The following TCERG1 variants were observed in gnomAD, a reference collection of about 807,000 sequenced individuals.
The protein encoded by TCERG1 is TATA box binding protein (TBP)-associated factor, RNA polymerase II, S, 150kD.
A neutral mutation model predicts 144.7 loss-of-function variants in TCERG1; 37 were observed. That is an observed-to-expected ratio of 0.26 (90% CI 0.20 to 0.34). TCERG1 has a LOEUF of 0.34. Among genes scored for constraint, TCERG1 ranks in the 10% least tolerant of loss-of-function variants. TCERG1 has a pLI of 1.00. For synonymous variants in TCERG1, 492 were observed against 458.2 expected, an observed-to-expected ratio of 1.07 and a Z score of -0.94; for missense variants, 1,027 against 1,380.7, an observed-to-expected ratio of 0.74 and a Z score of 4.06.
At chr5:146,497,014 C>T (rs1333452850) in intron 16 of TCERG1, among the ~76,000 whole-genome samples, 1 of 150,982 alleles carries the variant, frequency 6.6e-6, no homozygotes, top group Non-Finnish European at 1.5e-5. Context: ...ATTACAGGTG[C>T]CTGCCACTAC....
chr5:146,455,201 C>A lies in TCERG1; in HGVS notation c.205C>A (p.Arg69Ser). ...PPPPPRPPFG[R>S]PPFDPNMPPM... Reference sequence around the variant, plus strand: ...TCCACCACCACGGCCGCCCTTTGGACGTCCTCCTTTTGATCCTAATATGCC... The same window carrying A: ...TCCACCACCACGGCCGCCCTTTGGAAGTCCTCCTTTTGATCCTAATATGCC... The change falls in exon 2 of 23, where the codon CGT becomes AGT. Residue 69 changes from arginine (R) to serine (S), a missense_variant. Transcript: ENST00000679501. 1 of 1,614,202 alleles carries A rather than the reference C, an allele frequency of 6.2e-7. No homozygotes were observed.
chr5:146,455,862 C>G (rs192450798), intron 2 of TCERG1, among the ~76,000 whole-genome samples: 432 of 152,254 alleles, frequency 2.8e-3, no homozygotes, highest in Admixed American at 4.8e-3. Flanking sequence ...GTATTTTAAC[C>G]TGGGGCATAG....
intron 17 of TCERG1, among the ~76,000 whole-genome samples, chr5:146,502,688 A>G (rs576754325): frequency 9.2e-5 from 14 of 152,328 alleles, no homozygotes; most frequent in African/African-American, 3.4e-4. Context: ...TGTTATAAAC[A>G]TTACATACAT....
In TCERG1 at chr5:146,463,700, G is replaced by A; in HGVS notation, c.1042G>A (p.Val348Ile). The change falls in exon 5 of 23, where the codon GTA (valine) becomes ATA (isoleucine). Residue 348 changes from valine to isoleucine, a missense_variant. Physicochemically the swap from Val to Ile is conservative, Grantham distance 29 (BLOSUM62 3). Around this residue, in one of 6 missense-constraint regions of TCERG1, gnomAD observed 187 missense variants for 169.1 expected, o/e 1.11. Coordinates refer to ENST00000679501, the MANE Select transcript of TCERG1 (RefSeq NM_001382548.1). ...QTLPPAVPHS[V>I]PQPTTAIPAF... is the part of the protein sequence containing the mutation. ...GTTACCTCCTGCTGTTCCTCATTCA[G>A]TACCTCAGCCAACAACAGCAATACC... 1 of 1,614,188 alleles carries A rather than the reference G, an allele frequency of 6.2e-7. No homozygotes were observed. The highest frequency in any genetic ancestry group is 8.5e-7 in the Non-Finnish European group (1 of 1,180,032).
At position 146,511,826 on chromosome 5, in the gene TCERG1, G is replaced by T. The variant is rs528333627; in HGVS notation, c.*1184G>T. On this transcript the variant is annotated 3_prime_UTR_variant, in exon 23 of 23. Coordinates refer to ENST00000679501, the MANE Select transcript of TCERG1 (RefSeq NM_001382548.1). ...CTTTTTGGCATTCTTTCAACATGTCGTGTACATCACACCATGAATCAGTTC... is the reference window on the plus strand; with the variant it reads ...CTTTTTGGCATTCTTTCAACATGTCTTGTACATCACACCATGAATCAGTTC... 1 of 151,646 alleles carries T rather than the reference G, an allele frequency of 6.6e-6. No individual in the cohort carries two copies. Among genetic ancestry groups the T allele is most frequent in the Non-Finnish European group, 1.5e-5 (1 of 67,958 alleles). 9.4% of individuals were successfully genotyped at this position (151,646 alleles called of 1,614,324 possible).
chr5:146,501,052 G>T (rs1394732027), intron 17 of TCERG1, among the ~76,000 whole-genome samples: 1 of 150,442 alleles, frequency 6.6e-6, no homozygotes, highest in African/African-American at 2.4e-5. Flanking sequence ...GTTTGCCAAA[G>T]TAACTATTCT....
At chr5:146,481,891 CAAG>C (rs1765395756) in intron 13 of TCERG1, 2 of 152,054 alleles carry the variant, frequency 1.3e-5, no homozygotes, top group Admixed American at 1.3e-4. Context: ...TTTGGAGGAA[CAAG>C]AAGTAGTTTA....
Position 146,482,686 on chromosome 5 carries a change from G to A in TCERG1, c.2032G>A (p.Ala678Thr), listed in dbSNP as rs949790262. 3.1e-6 allele frequency: 5 copies of A among 1,613,084 alleles called. No individual in the cohort carries two copies. The African/African-American group carries it at 5.3e-5, about 17-fold the overall frequency. The change falls in exon 14 of 23, where the codon GCT becomes ACT. Residue 678 changes from alanine to threonine, a missense_variant. This residue lies in a region of TCERG1 where 482 missense variants were observed against 632.6 expected (regional missense o/e 0.76). Coordinates refer to ENST00000679501, the MANE Select transcript of TCERG1 (RefSeq NM_001382548.1). ...AGAAAGGGCCATTGTCCCTCTGGAGGCTCGAATGAAGCAGTTCAAGGACAT... is the reference window on the plus strand; with the variant it reads ...AGAAAGGGCCATTGTCCCTCTGGAGACTCGAATGAAGCAGTTCAAGGACAT... ...ARERAIVPLE[A>T]RMKQFKDMLL...
intron 7 of TCERG1, among the ~76,000 whole-genome samples, chr5:146,470,285 T>C (rs1375752861): frequency 6.6e-6 from 1 of 152,194 alleles, no homozygotes. Flanking sequence ...ATTATAGGTA[T>C]GTGTCATTGT....
chr5:146,485,345 A>C (rs1212436906), intron 15 of TCERG1, among the ~76,000 whole-genome samples: 1 of 152,192 alleles, frequency 6.6e-6, no homozygotes, highest in East Asian at 1.9e-4. Context: ...GTATAAAATT[A>C]TGTTTTTATT....
intron 3 of TCERG1, among the ~76,000 whole-genome samples, 192 bp from the exon 4 acceptor site, chr5:146,458,692 T>A (rs1158882374): frequency 6.6e-6 from 1 of 151,778 alleles, no homozygotes; most frequent in East Asian, 1.9e-4. Flanking sequence ...CCAGGCTGGT[T>A]GGTCTTGAAC....
intron 1 of TCERG1, among the ~76,000 whole-genome samples, chr5:146,447,840 T>C (rs1226412286): frequency 2.0e-5 from 3 of 152,266 alleles, no homozygotes; most frequent in Admixed American, 6.5e-5. Context: ...TCGCCACTTC[T>C]GGCTAAGCCT....
chr5:146,509,857 T>G (rs1324480284), intron 22 of TCERG1, among the ~76,000 whole-genome samples: 1 of 152,192 alleles, frequency 6.6e-6, no homozygotes, highest in Non-Finnish European at 1.5e-5. Flanking sequence ...CAGGAAACCA[T>G]TTTTGTTTCA....
chr5:146,471,359 C>A, intron 8 of TCERG1, 129 bp from the exon 9 acceptor site: 2 of 774,018 alleles, frequency 2.6e-6, no homozygotes, highest in Non-Finnish European at 4.1e-6. Context: ...TCTTCCTACT[C>A]AGAGTCTCCT....
chr5:146,510,390 A>G (rs1768364972), intron 22 of TCERG1, 51 bp from the exon 23 acceptor site: 1 of 1,336,438 alleles, frequency 7.5e-7, no homozygotes, highest in Admixed American at 1.8e-5. Flanking sequence ...CATTTCTGAA[A>G]GACCTGTGAA....
intron 19 of TCERG1, among the ~76,000 whole-genome samples, chr5:146,504,817 C>T (rs1373621754): frequency 1.3e-5 from 2 of 152,186 alleles, no homozygotes; most frequent in South Asian, 2.1e-4. Flanking sequence ...GAGGCCAAGG[C>T]GGGCAGATCA....
intron 5 of TCERG1, among the ~76,000 whole-genome samples, chr5:146,466,922 C>T (rs1024075764): frequency 1.5e-4 from 23 of 152,150 alleles, no homozygotes; most frequent in African/African-American, 4.6e-4. Context: ...ATTTCCTGTG[C>T]TGAGTTTAGT....
chr5:146,460,812 G>T (rs1763270382), intron 4 of TCERG1, among the ~76,000 whole-genome samples: 1 of 152,088 alleles, frequency 6.6e-6, no homozygotes, highest in South Asian at 2.1e-4. Context: ...TTGTAGTGAA[G>T]GTGAATTTTG....
intron 9 of TCERG1, among the ~76,000 whole-genome samples, chr5:146,474,499 A>G (rs968813276): frequency 1.3e-5 from 2 of 152,240 alleles, no homozygotes; most frequent in African/African-American, 2.4e-5. Context: ...AAGCAGCAGC[A>G]GGGCTTCCAT....
Sources: gnomAD v4.1 joint callset for allele counts (sites outside exome capture counted in the v4.1 genomes callset) on GRCh38, gnomAD v4.1.1 for gene constraint, gnomAD v4.1.1 regional missense constraint, MANE v1.5 for transcripts, NCBI Gene and HGNC (gene_info 2026-07-23, HGNC 2026-07-21) for gene names.